Variants in IDO2 observed in about 807,000 individuals in gnomAD.
IDO2 encodes the protein indoleamine 2,3-dioxygenase-like 1 protein.
IDO2 carries 46 observed loss-of-function variants against 45.1 expected under a neutral mutation model. That is an observed-to-expected ratio of 1.02 (90% CI 0.80 to 1.30). The LOEUF is 1.30. Among genes scored for constraint, IDO2 ranks in the 50% most tolerant of loss-of-function variants. IDO2 has a pLI of 0.00. For synonymous variants in IDO2, 218 were observed against 184.9 expected (o/e 1.18, Z -1.45); for missense variants, 544 against 491.8 (o/e 1.11, Z -1.00).
chr8:39,936,059 G>C (rs748662114), intron 1 of IDO2, among the ~76,000 whole-genome samples: 1 of 152,166 alleles, frequency 6.6e-6, no homozygotes, highest in Admixed American at 6.5e-5. Flanking sequence ...AATGATGGAA[G>C]TTTTCTCTTG....
At chr8:39,971,637 T>C (rs1290213562) in intron 3 of IDO2, among the ~76,000 whole-genome samples, 8 of 152,102 alleles carry the variant, frequency 5.3e-5, no homozygotes, top group Non-Finnish European at 1.5e-5. Context: ...GACGTCAAAA[T>C]AAAAACATTA....
intron 3 of IDO2, among the ~76,000 whole-genome samples, chr8:39,968,979 G>A (rs575739875): frequency 2.8e-4 from 42 of 151,796 alleles, no homozygotes; most frequent in Non-Finnish European, 4.0e-4. Context: ...GGAAAGGAAC[G>A]GACTTAAATT....
chr8:39,952,853 C>A (rs1807832258), intron 2 of IDO2, among the ~76,000 whole-genome samples: 1 of 151,954 alleles, frequency 6.6e-6, no homozygotes, highest in South Asian at 2.1e-4. Flanking sequence ...ACTGCAACCT[C>A]CGCCTCCCGG....
chr8:39,970,919 A>G (rs1351849864), intron 3 of IDO2, among the ~76,000 whole-genome samples: 1 of 151,778 alleles, frequency 6.6e-6, no homozygotes, highest in East Asian at 1.9e-4. Context: ...GGCACGTGCC[A>G]CCATGCCCAG....
At chr8:40,013,343 C>G (rs1802336033) in intron 9 of IDO2, among the ~76,000 whole-genome samples, 1 of 152,136 alleles carries the variant, frequency 6.6e-6, no homozygotes, top group African/African-American at 2.4e-5. Flanking sequence ...TGGAATAACC[C>G]TTTAGATGAG....
At chr8:39,968,826 A>G (rs1808136804) in intron 3 of IDO2, among the ~76,000 whole-genome samples, 1 of 151,800 alleles carries the variant, frequency 6.6e-6, no homozygotes, top group African/African-American at 2.4e-5. Flanking sequence ...ATGTATACAT[A>G]TGTAACAAAC....
chr8:40,005,294 G>T lies in IDO2; in HGVS notation c.668-33G>T, dbSNP rs374861318. 1.1e-5 allele frequency: 16 copies of T among 1,518,438 alleles called. No individual in the cohort carries two copies. In the African/African-American group the frequency reaches 2.2e-4, roughly 21 times the overall value. 94.1% of individuals were successfully genotyped at this position (1,518,438 alleles called of 1,614,324 possible). ...ATGTAACCAATTGCTTTCTTTGCCT[G>T]TAGTAAAGTTCACATTTTGATTGCT... On this transcript the variant is annotated intron_variant, in intron 8 of 10. Transcript: ENST00000502986.
chr8:39,967,558 G>A (rs1003236638), intron 3 of IDO2, among the ~76,000 whole-genome samples: 31 of 151,958 alleles, frequency 2.0e-4, no homozygotes, highest in African/African-American at 6.0e-4. Context: ...GTGCTATATC[G>A]ACTCACTGCA....
At chr8:40,014,172 A>G (rs1229202837) in intron 10 of IDO2, among the ~76,000 whole-genome samples, 1 of 152,126 alleles carries the variant, frequency 6.6e-6, no homozygotes, top group Non-Finnish European at 1.5e-5. Context: ...GAAATTGTTC[A>G]TTTTCTTACC....
At chr8:40,014,689 C>G (rs1802359868) in intron 10 of IDO2, among the ~76,000 whole-genome samples, 1 of 152,208 alleles carries the variant, frequency 6.6e-6, no homozygotes, top group African/African-American at 2.4e-5. Context: ...GCAAACAAAT[C>G]TAGTTCCAAC....
At chr8:39,997,334 C>T (rs775976516) in intron 8 of IDO2, among the ~76,000 whole-genome samples, 1 of 151,792 alleles carries the variant, frequency 6.6e-6, no homozygotes, top group Non-Finnish European at 1.5e-5. Context: ...ATAAACTCTC[C>T]TAGGAAACAA....
At position 39,957,619 on chromosome 8, in the gene IDO2, C is replaced by T. The variant is rs147449246; in HGVS notation, c.100-5989C>T. The stretch of plus-strand genomic sequence containing the variant: ...AGAGTGAGATCCTGTCTCTAAAAAA[C>T]GTAAAATGAAAATAAAACCTTGATA... On this transcript the variant is annotated intron_variant, in intron 2 of 10. Transcript: ENST00000502986. Among the ~76,000 whole-genome samples, 26 of 152,164 alleles carry T rather than the reference C, an allele frequency of 1.7e-4. No individual in the cohort carries two copies. In the South Asian group the frequency reaches 2.3e-3, roughly 13 times the overall value.
intron 3 of IDO2, among the ~76,000 whole-genome samples, chr8:39,966,296 G>C (rs1002436843): frequency 6.6e-6 from 1 of 151,962 alleles, no homozygotes; most frequent in African/African-American, 2.4e-5. Context: ...CAAAGCCCTG[G>C]GATTACAGGC....
intron 8 of IDO2, among the ~76,000 whole-genome samples, chr8:39,995,416 G>T (rs1281160844): frequency 6.6e-6 from 1 of 151,496 alleles, no homozygotes; most frequent in Non-Finnish European, 1.5e-5. Context: ...AAGTAACTGG[G>T]ATTACAGGTG....
At chr8:39,979,303 G>C (rs374403574) in intron 4 of IDO2, 117 bp downstream of exon 4, 4 of 1,058,958 alleles carry the variant, frequency 3.8e-6, no homozygotes, top group Non-Finnish European at 5.3e-6. Flanking sequence ...TCTTCTTCTC[G>C]ATGGGCATCA....
chr8:39,992,354 T>C (rs1801951300), intron 8 of IDO2, among the ~76,000 whole-genome samples: 1 of 152,142 alleles, frequency 6.6e-6, no homozygotes, highest in African/African-American at 2.4e-5. Flanking sequence ...CCATGTGGGT[T>C]CTCCAGTTGG....
chr8:40,007,509 T>G (rs573582107), intron 9 of IDO2, among the ~76,000 whole-genome samples: 3 of 152,054 alleles, frequency 2.0e-5, no homozygotes, highest in African/African-American at 7.2e-5. Flanking sequence ...GGGAGTGTGT[T>G]TTAGTATTTA....
chr8:39,938,862 G>A (rs1461000082), intron 1 of IDO2, among the ~76,000 whole-genome samples: 1 of 152,176 alleles, frequency 6.6e-6, no homozygotes, highest in Non-Finnish European at 1.5e-5. Flanking sequence ...TTAGGAAATT[G>A]CAAATTAAAA....
rs114224589 is a variant in IDO2, at chr8:39,995,970, T to C, written c.667+6132T>C. Among the ~76,000 whole-genome samples the C allele has an allele frequency of 9.6e-3, 1,466 of 152,234 alleles. 28 individuals are homozygous for C. The highest frequency in any genetic ancestry group is 0.032 in the African/African-American group (1,335 of 41,542). ...GAAAAGGCACTCTTTTTAAATATAC[T>C]TTTTATTTTTGTTTAATCTTCCCTG... is the stretch of plus-strand genomic sequence containing the variant. On this transcript the variant is annotated intron_variant, in intron 8 of 10. Coordinates refer to ENST00000502986, the Ensembl canonical transcript of IDO2.
Sources: gnomAD v4.1 joint callset for allele counts (sites outside exome capture counted in the v4.1 genomes callset) on GRCh38, gnomAD v4.1.1 for gene constraint, MANE v1.5 for transcripts, NCBI Gene and HGNC (gene_info 2026-07-23, HGNC 2026-07-21) for gene names.